The following NRXN1 variants were observed in gnomAD, a reference collection of about 807,000 sequenced individuals.
NRXN1 encodes the protein neurexin-1.
In NRXN1, 39 loss-of-function variants were observed where a neutral mutation model predicts 150.9. That is an observed-to-expected ratio of 0.26 (90% CI 0.20 to 0.34). The LOEUF is 0.34. Ranked by LOEUF, NRXN1 falls within the 10% of genes least tolerant of loss-of-function variation. The probability of loss-of-function intolerance (pLI) is 1.00; values close to 1 mark genes in which losing one functional copy is unlikely to be tolerated. For missense variants in NRXN1, 1,815 were observed against 1,949.9 expected, an observed-to-expected ratio of 0.93 and a Z score of 1.30; for synonymous variants, 924 against 757.0, an observed-to-expected ratio of 1.22 and a Z score of -3.62.
intron 18 of NRXN1, among the ~76,000 whole-genome samples, chr2:50,114,738 T>C (rs1276319343): frequency 6.6e-6 from 1 of 152,062 alleles, no homozygotes; most frequent in African/African-American, 2.4e-5. Context: ...CATATTATTA[T>C]ACTAAGCTAA....
At chr2:50,908,355 T>TCACACACACACA (rs779736059) in intron 5 of NRXN1, among the ~76,000 whole-genome samples, 2 of 100,548 alleles carry the variant, frequency 2.0e-5, no homozygotes, top group Non-Finnish European at 5.1e-5. Flanking sequence ...ATACACACAT[T>TCACACACACACA]CACACATACA....
chr2:50,287,013 G>A (rs2072272410), intron 17 of NRXN1, among the ~76,000 whole-genome samples: 1 of 151,962 alleles, frequency 6.6e-6, no homozygotes, highest in South Asian at 2.1e-4. Context: ...ATATTTTGTT[G>A]AAGGTGCTTT....
intron 17 of NRXN1, among the ~76,000 whole-genome samples, chr2:50,401,886 C>A (rs556536432): frequency 1.3e-5 from 2 of 152,088 alleles, no homozygotes; most frequent in Admixed American, 1.3e-4. Context: ...AACCAGCCAG[C>A]CTTTTCACTT....
intron 8 of NRXN1, among the ~76,000 whole-genome samples, chr2:50,557,405 T>C (rs1437922394): frequency 6.6e-6 from 1 of 152,208 alleles, no homozygotes; most frequent in Non-Finnish European, 1.5e-5. Flanking sequence ...TGACCCTCCC[T>C]GAGAGAACAT....
At chr2:50,491,351 A>G (rs1169746264) in intron 15 of NRXN1, among the ~76,000 whole-genome samples, 1 of 152,206 alleles carries the variant, frequency 6.6e-6, no homozygotes, top group Non-Finnish European at 1.5e-5. Flanking sequence ...AAGAGCAAGA[A>G]TACTATTTAT....
intron 3 of NRXN1, among the ~76,000 whole-genome samples, chr2:50,925,015 C>T (rs959086090): frequency 1.3e-5 from 2 of 151,850 alleles, no homozygotes; most frequent in Non-Finnish European, 2.9e-5. Context: ...ATAAAATATA[C>T]TAAATGCTGT....
intron 5 of NRXN1, among the ~76,000 whole-genome samples, chr2:50,857,740 C>A: frequency 6.6e-6 from 1 of 151,996 alleles, no homozygotes; most frequent in East Asian, 1.9e-4. Flanking sequence ...CCTTATGTAA[C>A]CCTACAATTC....
At chr2:50,167,223 T>C (rs2059742831) in intron 18 of NRXN1, among the ~76,000 whole-genome samples, 1 of 152,108 alleles carries the variant, frequency 6.6e-6, no homozygotes, top group Middle Eastern at 3.2e-3. Context: ...GCCTCACCCC[T>C]TATGCATTAT....
At chr2:50,821,856 C>G (rs1255745875) in intron 5 of NRXN1, among the ~76,000 whole-genome samples, 1 of 152,162 alleles carries the variant, frequency 6.6e-6, no homozygotes, top group South Asian at 2.1e-4. Flanking sequence ...ATAAGCATCA[C>G]TGGGCCAGGA....
chr2:50,612,850 G>A (rs985775120), intron 8 of NRXN1, among the ~76,000 whole-genome samples: 1 of 152,102 alleles, frequency 6.6e-6, no homozygotes, highest in South Asian at 2.1e-4. Flanking sequence ...TAACCTGCGT[G>A]CGTTATTGTG....
At chr2:50,713,769 G>C (rs186521173) in intron 5 of NRXN1, among the ~76,000 whole-genome samples, 1 of 152,212 alleles carries the variant, frequency 6.6e-6, no homozygotes, top group East Asian at 1.9e-4. Flanking sequence ...TCAATTTAAA[G>C]ACCTGTTGGT....
Position 50,497,397 on chromosome 2 carries a change from C to A in NRXN1, c.2815G>T (p.Asp939Tyr). 1 of 1,597,710 alleles carries A rather than the reference C, an allele frequency of 6.3e-7. No individual in the cohort carries two copies. Among genetic ancestry groups the A allele is most frequent in the Non-Finnish European group, 8.5e-7 (1 of 1,171,662 alleles). ...LFFQFKTTSL[D>Y]GLILYNSGDG... is the part of the protein sequence containing the mutation. ...CCACTGTTATATAGAATTAATCCAT[C>A]TAGGGATGTTGTCTTGAACTGGAAA... is the stretch of plus-strand genomic sequence containing the variant. Residue 939 changes from aspartate (D) to tyrosine (Y), a missense_variant, in exon 14 of 23, where the codon GAT becomes TAT. Around this residue, in one of 6 missense-constraint regions of NRXN1, gnomAD observed 339 missense variants for 440.3 expected, o/e 0.77. Transcript: ENST00000401669.
At chr2:50,711,004 C>T (rs1319983284) in intron 5 of NRXN1, among the ~76,000 whole-genome samples, 2 of 152,128 alleles carry the variant, frequency 1.3e-5, no homozygotes, top group Admixed American at 6.6e-5. Context: ...ACTGACTCTT[C>T]TGAACATTGG....
intron 17 of NRXN1, among the ~76,000 whole-genome samples, chr2:50,377,625 G>C (rs987674186): frequency 6.6e-6 from 1 of 152,146 alleles, no homozygotes; most frequent in Non-Finnish European, 1.5e-5. Context: ...CAAAAGAAAA[G>C]TGAGTTAATG....
chr2:50,848,272 C>T (rs958565271), intron 5 of NRXN1, among the ~76,000 whole-genome samples: 4 of 152,148 alleles, frequency 2.6e-5, no homozygotes, highest in African/African-American at 9.7e-5. Context: ...GAATCTTTCC[C>T]ATTTCAGAAG....
At chr2:49,938,355 C>T (rs990864717) in intron 22 of NRXN1, among the ~76,000 whole-genome samples, 10 of 152,168 alleles carry the variant, frequency 6.6e-5, no homozygotes, top group African/African-American at 1.4e-4. Flanking sequence ...TAAATCTTCA[C>T]CAAATACTAG....
At chr2:50,977,242 A>C (rs1467783156) in intron 2 of NRXN1, among the ~76,000 whole-genome samples, 2 of 151,968 alleles carry the variant, frequency 1.3e-5, no homozygotes, top group Non-Finnish European at 2.9e-5. Flanking sequence ...TATTTTACAA[A>C]TGCAATTATA....
chr2:50,514,885 A>G (rs1215309313), intron 12 of NRXN1, among the ~76,000 whole-genome samples: 1 of 152,204 alleles, frequency 6.6e-6, no homozygotes, highest in Non-Finnish European at 1.5e-5. Context: ...CACTAACTGT[A>G]ACATAACCTT....
chr2:50,447,744 T>TATATATATAC (rs1432292172), intron 17 of NRXN1, among the ~76,000 whole-genome samples: 7 of 45,638 alleles, frequency 1.5e-4, no homozygotes, highest in African/African-American at 6.0e-4. Flanking sequence ...ACGTTATATA[T>TATATATATAC]ATATATATAT....
Sources: gnomAD v4.1 joint callset for allele counts (sites outside exome capture counted in the v4.1 genomes callset) on GRCh38, gnomAD v4.1.1 for gene constraint, gnomAD v4.1.1 regional missense constraint, MANE v1.5 for transcripts, NCBI Gene and HGNC (gene_info 2026-07-23, HGNC 2026-07-21) for gene names.